CCDC14: variants seen among roughly 807,000 people sequenced by gnomAD.
CCDC14 encodes coiled-coil domain-containing protein 14.
A neutral mutation model predicts 81.4 loss-of-function variants in CCDC14; 71 were observed. The ratio of observed to expected loss-of-function variants is 0.87; its 90% CI spans 0.72 to 1.06. The LOEUF (loss-of-function observed/expected upper bound fraction) is 1.06, where lower values mean the gene tolerates loss of function less well. Ranked by LOEUF, CCDC14 falls within the 50% of genes least tolerant of loss-of-function variation. CCDC14 has a pLI of 0.00. For synonymous variants in CCDC14, 332 were observed against 364.8 expected (o/e 0.91, Z 1.03); for missense variants, 1,046 against 1,047.3 (o/e 1.00, Z 0.02).
Position 123,947,213 on chromosome 3 carries a change from G to A in CCDC14, c.791C>T (p.Pro264Leu), listed in dbSNP as rs2036689994. Residue 264 changes from proline to leucine, a missense_variant, in exon 8 of 13, where the codon CCA (proline) becomes CTA (leucine). Pro to Leu is a moderately conservative substitution (Grantham distance 98). Coordinates refer to ENST00000409697, the MANE Select transcript of CCDC14 (RefSeq NM_001366335.1). ...TATGTCAGTTTTGGGCAGGCTACAT[G>A]GAACTCCAGGACTGGTATTAAATGA... ...RNSFNTSPGVPCSLPKTDISA... is the reference protein window; with the variant it reads ...RNSFNTSPGVLCSLPKTDISA... The A allele has an allele frequency of 6.2e-7, 1 of 1,613,830 alleles. No homozygotes were observed. The highest frequency in any genetic ancestry group is 8.5e-7 in the Non-Finnish European group (1 of 1,179,866).
At chr3:123,934,990 G>A (rs760311308) in intron 9 of CCDC14, among the ~76,000 whole-genome samples, 117 of 152,106 alleles carry the variant, frequency 7.7e-4, no homozygotes, top group Non-Finnish European at 1.5e-3. Flanking sequence ...TTTAACCATA[G>A]CAAAATTTGA....
chr3:123,914,540 T>C lies in CCDC14; in HGVS notation c.*239A>G. On this transcript the variant is annotated 3_prime_UTR_variant, in exon 13 of 13. Transcript: ENST00000409697. ...ATTGCTAAGTACTGAAATAAAACAT[T>C]ACTTACAATAATTTCCTAGTTATCC... The C allele has an allele frequency of 8.5e-7, 1 of 1,171,722 alleles. No individual in the cohort carries two copies. Among genetic ancestry groups the C allele is most frequent in the East Asian group, 4.4e-5 (1 of 22,472 alleles). The allele number at this position is 1,171,722 out of a possible 1,614,324, so 72.6% of individuals were successfully genotyped here.
Position 123,948,767 on chromosome 3 carries a change from T to C in CCDC14, c.608A>G (p.His203Arg). ...PSHSESQATP[H>R]SSYGLCTSTP... The stretch of plus-strand genomic sequence containing the variant: ...GGAGGTACATAAGCCATAACTAGAA[T>C]GAGGAGTTGCCTGAGATTCTGTAAG... Residue 203 changes from histidine to arginine, a missense_variant, in exon 7 of 13, where the codon CAT becomes CGT. By Grantham distance (29) the His-to-Arg change is conservative. Transcript: ENST00000409697. The C allele has an allele frequency of 6.3e-7, 1 of 1,597,046 alleles. No individual in the cohort carries two copies. Among genetic ancestry groups the C allele is most frequent in the Non-Finnish European group, 8.5e-7 (1 of 1,175,544 alleles).
chr3:123,915,632 G>A lies in CCDC14; in HGVS notation c.1865C>T (p.Ser622Leu), dbSNP rs1482342475. Residue 622 changes from serine (S) to leucine (L), a missense_variant, in exon 13 of 13, where the codon TCA becomes TTA. By Grantham distance (145) the Ser-to-Leu change is moderately radical. Coordinates refer to ENST00000409697, the MANE Select transcript of CCDC14 (RefSeq NM_001366335.1). ...TTGTTTATCATGAATGTTCAAGAGT[G>A]ATTTGGTAAGGTTATTCCCAGGCTT... ...RCKPGNNLTKSLLNIHDKQLQ... is the reference protein window; with the variant it reads ...RCKPGNNLTKLLLNIHDKQLQ... The A allele has an allele frequency of 1.2e-6, 2 of 1,613,912 alleles. No individual in the cohort carries two copies. The highest frequency in any genetic ancestry group is 2.2e-5 in the East Asian group (1 of 44,896).
intron 12 of CCDC14, among the ~76,000 whole-genome samples, chr3:123,926,569 AAATT>A (rs1402863078): frequency 1.4e-5 from 2 of 147,000 alleles, no homozygotes; most frequent in African/African-American, 4.9e-5. Flanking sequence ...AATATTATTT[AAATT>A]AATATTTAAA....
chr3:123,948,377 G>A (rs574626667), intron 7 of CCDC14, among the ~76,000 whole-genome samples: 61 of 152,038 alleles, frequency 4.0e-4, no homozygotes, highest in Middle Eastern at 3.4e-3. Context: ...GAGTAGCTGG[G>A]ATTACAGGCA....
At chr3:123,950,928 A>G (rs2036979201) in intron 5 of CCDC14, among the ~76,000 whole-genome samples, 1 of 152,202 alleles carries the variant, frequency 6.6e-6, no homozygotes, top group African/African-American at 2.4e-5. Context: ...CAGATTTAAT[A>G]CTATAACCAG....
intron 12 of CCDC14, 91 bp downstream of exon 12, chr3:123,931,011 G>T: frequency 1.9e-6 from 2 of 1,065,282 alleles, no homozygotes; most frequent in Non-Finnish European, 1.3e-6. Flanking sequence ...AAAAGATATG[G>T]GGGAGAAAAC....
intron 10 of CCDC14, chr3:123,933,384 G>C (rs1452760130): frequency 1.8e-5 from 6 of 324,368 alleles, no homozygotes; most frequent in Admixed American, 4.6e-5. Context: ...TTTTAAAAAA[G>C]TACATATATA....
chr3:123,891,356 T>C, the CCDC14 span, among the ~76,000 whole-genome samples: 1 of 152,206 alleles, frequency 6.6e-6, no homozygotes, highest in Non-Finnish European at 1.5e-5. Context: ...TTCTCTTCTA[T>C]TGCATTATCA....
chr3:123,956,475 A>C (rs760542652), intron 2 of CCDC14, 48 bp from the exon 3 acceptor site: 14 of 1,326,042 alleles, frequency 1.1e-5, no homozygotes, highest in Non-Finnish European at 1.4e-5. Context: ...TTCCCAAAAT[A>C]TATTAGTAAG....
At chr3:123,935,033 C>T (rs563221438) in intron 9 of CCDC14, among the ~76,000 whole-genome samples, 4 of 152,164 alleles carry the variant, frequency 2.6e-5, no homozygotes, top group East Asian at 1.9e-4. Flanking sequence ...AAAGAAAATA[C>T]CTGCACATAT....
intron 10 of CCDC14, 74 bp from the exon 11 acceptor site, chr3:123,931,600 T>TA (rs10573718): frequency 3.9e-3 from 2,052 of 526,520 alleles, no homozygotes; most frequent in Middle Eastern, 6.0e-3. Context: ...ACCTGTTTCT[T>TA]AAAAAAAAAA....
intron 12 of CCDC14, among the ~76,000 whole-genome samples, chr3:123,920,445 A>T (rs1445918423): frequency 6.6e-6 from 1 of 152,234 alleles, no homozygotes; most frequent in Non-Finnish European, 1.5e-5. Context: ...TCACCAAGAC[A>T]CACCATAACT....
chr3:123,928,790 A>C (rs1223652744), intron 12 of CCDC14, among the ~76,000 whole-genome samples: 1 of 152,208 alleles, frequency 6.6e-6, no homozygotes, highest in Non-Finnish European at 1.5e-5. Context: ...AAGCCACTCC[A>C]TGTGCAAGAG....
chr3:123,956,778 C>G lies in CCDC14; in HGVS notation c.48G>C (p.Arg16Ser), dbSNP rs1255624940. Residue 16 changes from arginine to serine, a missense_variant, in exon 2 of 13, where the codon AGG (arginine) becomes AGC (serine). Transcript: ENST00000409697. ...ARPGQVLSSG[R>S]HTGPAKLTNG... ...TTGTTAATTTAGCAGGTCCAGTGTG[C>G]CTTCCTGAAGATAACACCTATGACA... The G allele has an allele frequency of 1.9e-6, 3 of 1,544,198 alleles. No homozygotes were observed. Among genetic ancestry groups the G allele is most frequent in the East Asian group, 4.9e-5 (2 of 40,710 alleles).
At position 123,898,804 on chromosome 3, in the gene CCDC14, C is replaced by T. The variant is rs556524711; in HGVS notation, c.668-1191G>A. Among the ~76,000 whole-genome samples, 16 of 152,146 alleles carry T rather than the reference C, an allele frequency of 1.1e-4. No homozygotes were observed. In the East Asian group the frequency reaches 1.5e-3, roughly 15 times the overall value. ...CTGGGTTCAAGCGATTCTCATGCCT[C>T]GGCCTCCTGAGTAGCTGCGATTACA... On this transcript the variant is annotated intron_variant, in intron 5 of 5. Transcript: ENST00000479903.
At chr3:123,892,673 A>C (rs1177739120), downstream of CCDC14, among the ~76,000 whole-genome samples, 1 of 151,840 alleles carries the variant, frequency 6.6e-6, no homozygotes, top group African/African-American at 2.4e-5. Context: ...ACCTTCCACC[A>C]GCCCCCTCCT....
At position 123,914,172 on chromosome 3, in the gene CCDC14, A is replaced by G; in HGVS notation, c.*607T>C. On this transcript the variant is annotated 3_prime_UTR_variant, in exon 13 of 13. Coordinates refer to ENST00000409697, the MANE Select transcript of CCDC14 (RefSeq NM_001366335.1). ...CATGAATTTGGGATAAAAACAAATA[A>G]AAGTGCCCAAGTTTTAAGAAGCCAT... 1 of 985,156 alleles carries G rather than the reference A, an allele frequency of 1.0e-6. No individual in the cohort carries two copies. Among genetic ancestry groups the G allele is most frequent in the Non-Finnish European group, 1.2e-6 (1 of 829,290 alleles). The allele number at this position is 985,156 out of a possible 1,614,324, so 61.0% of individuals were successfully genotyped here. A position where few individuals can be genotyped will look rare whatever the true frequency, so the allele number is the denominator to read the frequency against.
Sources: gnomAD v4.1 joint callset for allele counts (sites outside exome capture counted in the v4.1 genomes callset) on GRCh38, gnomAD v4.1.1 for gene constraint, MANE v1.5 for transcripts, NCBI Gene and HGNC (gene_info 2026-07-23, HGNC 2026-07-21) for gene names.